The following ZFHX3 variants were observed in gnomAD, a reference collection of about 807,000 sequenced individuals.
ZFHX3 encodes the protein zinc finger homeobox 3.
In ZFHX3, 42 loss-of-function variants were observed where a neutral mutation model predicts 279.1. The ratio of observed to expected loss-of-function variants is 0.15; its 90% CI spans 0.12 to 0.19. The LOEUF is 0.19. Ranked by LOEUF, ZFHX3 falls within the 10% of genes least tolerant of loss-of-function variation. The pLI, the probability that ZFHX3 is intolerant of heterozygous loss-of-function variation, is 1.00. For missense variants in ZFHX3, 4,981 were observed against 4,754.0 expected, an observed-to-expected ratio of 1.05 and a Z score of -1.40; for synonymous variants, 2,293 against 1,957.8, an observed-to-expected ratio of 1.17 and a Z score of -4.52.
chr16:72,826,103 C>T, intron 5 of ZFHX3, among the ~76,000 whole-genome samples: 1 of 152,118 alleles, frequency 6.6e-6, no homozygotes, highest in East Asian at 1.9e-4. Context: ...AGCCATTGAT[C>T]GTGGAATTGA....
Position 72,877,591 on chromosome 16 carries a change from G to A in ZFHX3, c.3448+12140C>T, listed in dbSNP as rs373943876. Among the ~76,000 whole-genome samples, 16 of 152,256 alleles carry A rather than the reference G, an allele frequency of 1.1e-4. No homozygotes were observed. The South Asian group carries it at 2.1e-3, about 20-fold the overall frequency. ...CTGGTGTTTATGTTGTAGTAGAGAC[G>A]ACTCGTCCTCAAGTTAAAAGGACAA... On this transcript the variant is annotated intron_variant, in intron 4 of 9. Transcript: ENST00000268489.
chr16:73,724,614 A>G (rs1243312313), intron 1 of ZFHX3, among the ~76,000 whole-genome samples: 3 of 152,170 alleles, frequency 2.0e-5, no homozygotes, highest in African/African-American at 4.8e-5. Flanking sequence ...TGTTGTCAGG[A>G]TAGAATTTTA....
chr16:73,606,844 G>A (rs973428425), intron 2 of ZFHX3, among the ~76,000 whole-genome samples: 1 of 152,086 alleles, frequency 6.6e-6, no homozygotes, highest in Non-Finnish European at 1.5e-5. Context: ...TTGGTTTTCT[G>A]TTCCTGGGTT....
chr16:73,201,737 T>C (rs1286022730), intron 5 of ZFHX3, among the ~76,000 whole-genome samples: 2 of 152,234 alleles, frequency 1.3e-5, no homozygotes, highest in Non-Finnish European at 2.9e-5. Context: ...AGATTCACTA[T>C]TTTTGTTTCG....
rs536507400 is a variant in ZFHX3 at position 73,865,550 on chromosome 16, T to C, written c.-1608+26101A>G. 6.6e-5 allele frequency among the ~76,000 whole-genome samples: 10 copies of C among 152,302 alleles called. No homozygotes were observed. In the South Asian group the frequency reaches 1.9e-3, roughly 28 times the overall value. On this transcript the variant is annotated intron_variant, in intron 1 of 17. Coordinates refer to the ZFHX3 transcript ENST00000641206. ...ATAGTTTCTTGGCTTTGTTCACAAT[T>C]ACACAATTGCACCTTGTTTATTTTC... is the stretch of plus-strand genomic sequence containing the variant.
At chr16:72,902,284 G>T (rs909805928) in intron 3 of ZFHX3, among the ~76,000 whole-genome samples, 4 of 152,110 alleles carry the variant, frequency 2.6e-5, no homozygotes, top group African/African-American at 9.7e-5. Context: ...TTCTCAATCA[G>T]GTCTGATCAA....
At chr16:73,057,204 A>G (rs1211147001) in intron 1 of ZFHX3, among the ~76,000 whole-genome samples, 1 of 152,230 alleles carries the variant, frequency 6.6e-6, no homozygotes, top group Non-Finnish European at 1.5e-5. Flanking sequence ...GCCTTTTGAA[A>G]GCGCTTGTAA....
intron 1 of ZFHX3, among the ~76,000 whole-genome samples, chr16:73,017,208 G>A (rs902297671): frequency 6.0e-5 from 9 of 149,590 alleles, no homozygotes; most frequent in Admixed American, 6.7e-5. Flanking sequence ...AATCCAGACT[G>A]AGCAACACTG....
Position 73,101,913 on chromosome 16 carries a change from C to CTT in ZFHX3, c.-896-8317_-896-8316dup, listed in dbSNP as rs34658877. 5.0e-3 allele frequency among the ~76,000 whole-genome samples: 586 copies of CTT among 116,524 alleles called. 17 individuals are homozygous for CTT. Among genetic ancestry groups the CTT allele is most frequent in the East Asian group, 0.02 (82 of 4,058 alleles). The allele number at this position is 116,524 out of a possible 152,430, so 76.4% of individuals were successfully genotyped here. On this transcript the variant is annotated intron_variant, in intron 7 of 17. Transcript: ENST00000641206. ...AGTAATATTTCTTCCATTCTCACCT[C>CTT]TTTTTTTTTTTTTTTTTTGAGACAG...
intron 1 of ZFHX3, among the ~76,000 whole-genome samples, chr16:73,038,185 G>C (rs1964980352): frequency 6.6e-6 from 1 of 152,050 alleles, no homozygotes; most frequent in Non-Finnish European, 1.5e-5. Flanking sequence ...ATTAGTCTGT[G>C]TGGTGCGAGA....
At chr16:73,348,642 G>A (rs947989577) in intron 3 of ZFHX3, among the ~76,000 whole-genome samples, 2 of 152,130 alleles carry the variant, frequency 1.3e-5, no homozygotes, top group Non-Finnish European at 2.9e-5. Flanking sequence ...TTCTGCACAC[G>A]GTGCAATTAG....
chr16:72,805,152 T>C (rs1167729853), intron 7 of ZFHX3, among the ~76,000 whole-genome samples: 2 of 151,936 alleles, frequency 1.3e-5, no homozygotes, highest in Non-Finnish European at 2.9e-5. Context: ...TATTTTTTTT[T>C]TGTACTTTTA....
chr16:73,380,456 T>C (rs1201955527), intron 3 of ZFHX3, among the ~76,000 whole-genome samples: 2 of 152,162 alleles, frequency 1.3e-5, no homozygotes, highest in Non-Finnish European at 2.9e-5. Flanking sequence ...CTGTCATCAA[T>C]ATTGAGAAAA....
At chr16:73,497,072 A>G (rs2019154514) in intron 2 of ZFHX3, among the ~76,000 whole-genome samples, 1 of 152,098 alleles carries the variant, frequency 6.6e-6, no homozygotes, top group South Asian at 2.1e-4. Flanking sequence ...ACACCACACC[A>G]TGCCCATCCA....
At chr16:73,218,688 G>C (rs554137607) in intron 5 of ZFHX3, among the ~76,000 whole-genome samples, 5 of 152,304 alleles carry the variant, frequency 3.3e-5, no homozygotes, top group Admixed American at 3.3e-4. Context: ...AGAATTGCTT[G>C]AACCCGGGAG....
intron 6 of ZFHX3, 53 bp downstream of exon 6, chr16:72,811,852 C>G (rs2036461205): frequency 7.1e-7 from 1 of 1,407,718 alleles, no homozygotes; most frequent in Non-Finnish European, 9.7e-7. Context: ...TTGTTCCCTA[C>G]CAATGTCTAA....
intron 3 of ZFHX3, among the ~76,000 whole-genome samples, chr16:73,428,509 C>T (rs912295516): frequency 2.0e-5 from 3 of 152,122 alleles, no homozygotes; most frequent in Non-Finnish European, 4.4e-5. Context: ...CATTTGCCCC[C>T]AGCCACCAGC....
chr16:73,444,446 T>C (rs1045893522), intron 3 of ZFHX3, among the ~76,000 whole-genome samples: 7 of 152,250 alleles, frequency 4.6e-5, no homozygotes, highest in African/African-American at 1.4e-4. Flanking sequence ...TAAGTTTTTT[T>C]CCCTTAGATT....
Position 73,513,454 on chromosome 16 carries a change from C to A in ZFHX3, c.-1546-57196G>T, listed in dbSNP as rs145431343. On this transcript the variant is annotated intron_variant, in intron 2 of 17. Transcript: ENST00000641206. Reference sequence around the variant, plus strand: ...CACACTAATTGTCCCAAGGTAGGAGCATTTTCCTATGACCAACTGATGGAG... The same window carrying A: ...CACACTAATTGTCCCAAGGTAGGAGAATTTTCCTATGACCAACTGATGGAG... Among the ~76,000 whole-genome samples the A allele has an allele frequency of 1.1e-3, 161 of 152,260 alleles. No homozygotes were observed. In the Middle Eastern group the frequency reaches 0.048, roughly 45 times the overall value.
Sources: gnomAD v4.1 joint callset for allele counts (sites outside exome capture counted in the v4.1 genomes callset) on GRCh38, gnomAD v4.1.1 for gene constraint, MANE v1.5 for transcripts, NCBI Gene and HGNC (gene_info 2026-07-23, HGNC 2026-07-21) for gene names.